SLC28A1: variants seen among roughly 807,000 people sequenced by gnomAD.
The protein encoded by SLC28A1 is sodium/nucleoside cotransporter 1.
In SLC28A1, 64 loss-of-function variants were observed where a neutral mutation model predicts 74.8. The ratio of observed to expected loss-of-function variants is 0.86; its 90% CI spans 0.70 to 1.05. The LOEUF (loss-of-function observed/expected upper bound fraction) is 1.05. SLC28A1 is among the 50% of genes least tolerant of loss of function. The pLI, the probability that SLC28A1 is intolerant of heterozygous loss-of-function variation, is 0.00. For synonymous variants in SLC28A1, 359 were observed against 335.0 expected (o/e 1.07, Z -0.78); for missense variants, 828 against 822.8 (o/e 1.01, Z -0.08).
chr15:84,972,837 A>C, the SLC28A1 span, among the ~76,000 whole-genome samples: 1 of 152,254 alleles, frequency 6.6e-6, no homozygotes, highest in East Asian at 1.9e-4. Flanking sequence ...TAATTTACCA[A>C]ACACAAAGGT....
At chr15:84,913,779 G>T (rs1968691215) in intron 9 of SLC28A1, among the ~76,000 whole-genome samples, 2 of 152,124 alleles carry the variant, frequency 1.3e-5, no homozygotes, top group African/African-American at 4.8e-5. Context: ...AAACTGGGTG[G>T]TTACAAGCAA....
chr15:84,912,254 T>C (rs1968367399), intron 9 of SLC28A1, among the ~76,000 whole-genome samples: 1 of 152,238 alleles, frequency 6.6e-6, no homozygotes, highest in South Asian at 2.1e-4. Flanking sequence ...AATGCTGAGC[T>C]GAACAGAAGA....
At chr15:84,938,216 A>AT (rs1555456609) in intron 15 of SLC28A1, among the ~76,000 whole-genome samples, 3 of 150,190 alleles carry the variant, frequency 2.0e-5, no homozygotes, top group East Asian at 2.0e-4. Flanking sequence ...AAAAAAAAAA[A>AT]GGTTTCTATA....
At chr15:84,971,949 C>CT in the SLC28A1 span, among the ~76,000 whole-genome samples, 1 of 152,184 alleles carries the variant, frequency 6.6e-6, no homozygotes, top group East Asian at 1.9e-4. Flanking sequence ...ACCCAGCCCT[C>CT]TTTTCTTTAT....
At chr15:84,946,084 T>TTGTGTA (rs1567196223), downstream of SLC28A1, among the ~76,000 whole-genome samples, 1 of 27,526 alleles carries the variant, frequency 3.6e-5, no homozygotes, top group African/African-American at 1.6e-4. Flanking sequence ...GTGTGTATGT[T>TTGTGTA]CATATATATA....
the SLC28A1 span, among the ~76,000 whole-genome samples, chr15:84,962,197 C>T: frequency 1.3e-5 from 2 of 152,026 alleles, no homozygotes; most frequent in South Asian, 4.1e-4. Flanking sequence ...GCCTAAGCCT[C>T]CAGAGTAGCT....
chr15:84,968,881 C>T, the SLC28A1 span, among the ~76,000 whole-genome samples: 2 of 152,254 alleles, frequency 1.3e-5, no homozygotes, highest in Middle Eastern at 3.4e-3. Flanking sequence ...TGACTGATCC[C>T]AGAGAGTAAG....
the SLC28A1 span, among the ~76,000 whole-genome samples, chr15:84,970,256 CT>C: frequency 7.9e-5 from 12 of 152,166 alleles, no homozygotes; most frequent in African/African-American, 2.9e-4. Context: ...TCTCGAGTCT[CT>C]TTTTTAGAAG....
the SLC28A1 span, among the ~76,000 whole-genome samples, chr15:84,975,024 T>C: frequency 6.6e-6 from 1 of 151,990 alleles, no homozygotes; most frequent in Non-Finnish European, 1.5e-5. Flanking sequence ...TATAACAGGG[T>C]GAAACCTTGT....
chr15:84,974,920 C>T, the SLC28A1 span, among the ~76,000 whole-genome samples: 1 of 152,134 alleles, frequency 6.6e-6, no homozygotes, highest in Non-Finnish European at 1.5e-5. Context: ...TACCAGGAGT[C>T]AGTGCCTGGG....
intron 11 of SLC28A1, among the ~76,000 whole-genome samples, chr15:84,922,279 A>G (rs28615345): frequency 0.28 from 42,174 of 152,038 alleles, 6,250 homozygotes; most frequent in South Asian, 0.49. Context: ...TTGACCGTCC[A>G]CTTGGAGATC....
At chr15:84,920,279 C>G (rs914219534) in intron 10 of SLC28A1, among the ~76,000 whole-genome samples, 5 of 152,190 alleles carry the variant, frequency 3.3e-5, no homozygotes, top group African/African-American at 1.2e-4. Flanking sequence ...AACCTCATCT[C>G]TACTAAAAAT....
chr15:84,904,379 G>A (rs1966858866), intron 7 of SLC28A1, 141 bp downstream of exon 7: 1 of 1,243,708 alleles, frequency 8.0e-7, no homozygotes, highest in Non-Finnish European at 1.2e-6. Flanking sequence ...AGGCCTGTGT[G>A]TATCAGGATA....
intron 1 of SLC28A1, among the ~76,000 whole-genome samples, chr15:84,885,235 A>T (rs780869276): frequency 2.0e-5 from 3 of 148,706 alleles, no homozygotes; most frequent in Non-Finnish European, 3.0e-5. Flanking sequence ...CTGGGAGTGC[A>T]GGCATGAGCC....
At chr15:84,943,599 C>T (rs1596368652) in intron 16 of SLC28A1, 73 bp downstream of exon 16, 2 of 1,159,832 alleles carry the variant, frequency 1.7e-6, no homozygotes, top group Non-Finnish European at 2.6e-6. Flanking sequence ...ATGTAGGCCT[C>T]AGTTGTCTCA....
chr15:84,926,921 A>C (rs1970588151), intron 12 of SLC28A1, among the ~76,000 whole-genome samples: 1 of 152,040 alleles, frequency 6.6e-6, no homozygotes, highest in African/African-American at 2.4e-5. Flanking sequence ...ATGGGTGAAC[A>C]AACAGCCAGC....
At chr15:84,897,539 G>A (rs1476212902) in intron 6 of SLC28A1, among the ~76,000 whole-genome samples, 1 of 152,182 alleles carries the variant, frequency 6.6e-6, no homozygotes, top group Non-Finnish European at 1.5e-5. Context: ...TAGTTTCAGG[G>A]TATATGTGAT....
the SLC28A1 span, among the ~76,000 whole-genome samples, chr15:84,971,429 T>C: frequency 3.3e-5 from 5 of 152,142 alleles, no homozygotes; most frequent in African/African-American, 1.2e-4. Context: ...CTTGCTTTAT[T>C]AGAGTGTTCT....
chr15:84,894,329 G>A (rs1444537842), intron 5 of SLC28A1, among the ~76,000 whole-genome samples: 2 of 147,444 alleles, frequency 1.4e-5, no homozygotes, highest in Non-Finnish European at 3.0e-5. Flanking sequence ...CCGAGATCAT[G>A]CCACTGTACT....
Sources: gnomAD v4.1 joint callset for allele counts (sites outside exome capture counted in the v4.1 genomes callset) on GRCh38, gnomAD v4.1.1 for gene constraint, MANE v1.5 for transcripts, NCBI Gene and HGNC (gene_info 2026-07-23, HGNC 2026-07-21) for gene names.